DNAH9: variants seen among roughly 807,000 people sequenced by gnomAD.
The protein encoded by DNAH9 is DNAH9 variant protein.
DNAH9 carries 345 observed loss-of-function variants against 471.6 expected under a neutral mutation model. The ratio of observed to expected loss-of-function variants is 0.73; its 90% CI spans 0.67 to 0.80. The LOEUF (loss-of-function observed/expected upper bound fraction) is 0.80. Among genes scored for constraint, DNAH9 ranks in the 30% least tolerant of loss-of-function variants. The probability of loss-of-function intolerance (pLI) is 0.00; values close to 1 mark genes in which losing one functional copy is unlikely to be tolerated. For missense variants in DNAH9, 5,407 were observed against 5,609.2 expected (o/e 0.96, Z 1.15); for synonymous variants, 2,093 against 2,123.6 (o/e 0.99, Z 0.40).
rs2073247423 is a variant in DNAH9, at chr17:11,640,331, G to A, written c.1848G>A (p.Glu616=). Residue 616 remains glutamate (E), a synonymous_variant, in exon 10 of 69, where the codon GAG becomes GAA. Coordinates refer to ENST00000262442, the MANE Select transcript of DNAH9 (RefSeq NM_001372.4). ...TVAGGLRWAQ[E]LRQRIQGPFS... ...CTGGCGGCCTCCGCTGGGCACAGGA[G>A]CTGAGGCAGCGCATCCAGGGTCCTT... 1 of 1,614,124 alleles carries A rather than the reference G, an allele frequency of 6.2e-7. No individual in the cohort carries two copies. Among genetic ancestry groups the A allele is most frequent in the Non-Finnish European group, 8.5e-7 (1 of 1,179,978 alleles).
intron 66 of DNAH9, among the ~76,000 whole-genome samples, chr17:11,940,036 A>T (rs1447035995): frequency 6.6e-6 from 1 of 152,244 alleles, no homozygotes; most frequent in Non-Finnish European, 1.5e-5. Context: ...TTTTTCTCCC[A>T]CAGGGGGAAG....
intron 33 of DNAH9, among the ~76,000 whole-genome samples, chr17:11,754,219 G>A (rs1967281076): frequency 6.6e-6 from 1 of 151,824 alleles, no homozygotes; most frequent in Admixed American, 6.6e-5. Context: ...TCTTTATCCA[G>A]TCTGTCATTG....
At position 11,871,607 on chromosome 17, in the gene DNAH9, C is replaced by G. The variant is rs762773585; in HGVS notation, c.10063C>G (p.Leu3355Val). The change falls in exon 52 of 69, where the codon CTC (leucine) becomes GTC (valine). Residue 3355 changes from leucine (L) to valine (V), a missense_variant. By Grantham distance (32) the Leu-to-Val change is conservative. This residue lies in a region of DNAH9 where 4,636 missense variants were observed against 4,900.3 expected (regional missense o/e 0.95). Coordinates refer to ENST00000262442, the MANE Select transcript of DNAH9 (RefSeq NM_001372.4). ...GCTTTTGAAATGGTAGGTTGGAGGACTCGCTTCTGAAAACGTGAGGTGGGC... is the reference window on the plus strand; with the variant it reads ...GCTTTTGAAATGGTAGGTTGGAGGAGTCGCTTCTGAAAACGTGAGGTGGGC... ...ISLANRLVGG[L>V]ASENVRWADA... is the part of the protein sequence containing the mutation. The G allele has an allele frequency of 1.2e-6, 2 of 1,613,554 alleles. No individual in the cohort carries two copies. The highest frequency in any genetic ancestry group is 2.7e-5 in the African/African-American group (2 of 74,946).
At position 11,669,293 on chromosome 17, in the gene DNAH9, T is replaced by A. The variant is rs751100678; in HGVS notation, c.2928+33T>A. 4 of 1,601,662 alleles carry A rather than the reference T, an allele frequency of 2.5e-6. No homozygotes were observed. The Admixed American group carries it at 6.7e-5, about 27-fold the overall frequency. Reference sequence around the variant, plus strand: ...AGCTGCAGCCATCCTGCCCTCCAACTGTGTCCCGTCCAGCCGAATCTCGAA... The same window carrying A: ...AGCTGCAGCCATCCTGCCCTCCAACAGTGTCCCGTCCAGCCGAATCTCGAA... On this transcript the variant is annotated intron_variant, in intron 16 of 68. Transcript: ENST00000262442.
chr17:11,685,551 T>A (rs1026457403), intron 19 of DNAH9, among the ~76,000 whole-genome samples: 13 of 151,962 alleles, frequency 8.6e-5, no homozygotes, highest in African/African-American at 2.9e-4. Context: ...ACAGCCCAGA[T>A]GAGAAGTGGT....
intron 48 of DNAH9, among the ~76,000 whole-genome samples, chr17:11,826,841 T>TC (rs960190793): frequency 2.0e-5 from 3 of 147,504 alleles, no homozygotes; most frequent in African/African-American, 7.5e-5. Context: ...TTTTTTTTTT[T>TC]TGAGACAGAG....
At chr17:11,758,190 T>C (rs943915683) in intron 35 of DNAH9, among the ~76,000 whole-genome samples, 1 of 152,116 alleles carries the variant, frequency 6.6e-6, no homozygotes, top group African/African-American at 2.4e-5. Flanking sequence ...CCCTGCTGGA[T>C]ATGGTGAGTT....
At chr17:11,773,767 T>C (rs934545757) in intron 38 of DNAH9, among the ~76,000 whole-genome samples, 12 of 152,172 alleles carry the variant, frequency 7.9e-5, no homozygotes, top group Non-Finnish European at 2.9e-5. Flanking sequence ...CAGATGCCAG[T>C]GTAGCACTAT....
chr17:11,825,946 G>A (rs749398767), intron 48 of DNAH9, among the ~76,000 whole-genome samples: 2 of 152,206 alleles, frequency 1.3e-5, no homozygotes, highest in Non-Finnish European at 2.9e-5. Flanking sequence ...ATGGTGTCAG[G>A]TGCATGATGG....
chr17:11,694,728 TTC>T (rs1257926449), intron 22 of DNAH9, among the ~76,000 whole-genome samples: 102 of 2,594 alleles, frequency 0.039, 40 homozygotes, highest in Non-Finnish European at 0.23. Flanking sequence ...CTCTCTCTCT[TTC>T]TCTTTCTTTC....
chr17:11,669,011 T>G, intron 15 of DNAH9, 53 bp from the exon 16 acceptor site: 1 of 1,297,538 alleles, frequency 7.7e-7, no homozygotes, highest in Non-Finnish European at 1.1e-6. Context: ...GTCCTCTACT[T>G]TGTCCATTTT....
intron 54 of DNAH9, among the ~76,000 whole-genome samples, chr17:11,880,825 A>C (rs887860870): frequency 6.6e-6 from 1 of 152,140 alleles, no homozygotes; most frequent in African/African-American, 2.4e-5. Context: ...TGTCATTCCC[A>C]TGTCAGCCAT....
intron 35 of DNAH9, among the ~76,000 whole-genome samples, chr17:11,762,209 T>G (rs935600831): frequency 1.3e-5 from 2 of 152,234 alleles, no homozygotes; most frequent in Non-Finnish European, 1.5e-5. Flanking sequence ...GTGAATGGCG[T>G]GCTGTGCAGC....
At chr17:11,908,546 C>G (rs890590068) in intron 61 of DNAH9, among the ~76,000 whole-genome samples, 2 of 152,162 alleles carry the variant, frequency 1.3e-5, no homozygotes, top group African/African-American at 4.8e-5. Flanking sequence ...CCCATTTACT[C>G]GGTAGTCAGA....
intron 22 of DNAH9, among the ~76,000 whole-genome samples, chr17:11,698,206 A>ATAT (rs1337258682): frequency 4.9e-5 from 6 of 123,220 alleles, no homozygotes; most frequent in African/African-American, 2.0e-4. Context: ...TAATATATTA[A>ATAT]TAATATAATT....
chr17:11,738,824 G>C, intron 28 of DNAH9, 56 bp from the exon 29 acceptor site: 1 of 1,522,534 alleles, frequency 6.6e-7, no homozygotes, highest in Non-Finnish European at 9.1e-7. Context: ...CTTTAGTTAT[G>C]ATCCCTCCAC....
chr17:11,717,681 T>C (rs1256218898), intron 26 of DNAH9, among the ~76,000 whole-genome samples: 1 of 152,178 alleles, frequency 6.6e-6, no homozygotes, highest in Non-Finnish European at 1.5e-5. Context: ...CCATTGCAGG[T>C]GTACAATGTA....
chr17:11,819,110 T>G (rs1970214924), intron 45 of DNAH9, among the ~76,000 whole-genome samples: 1 of 152,096 alleles, frequency 6.6e-6, no homozygotes, highest in Non-Finnish European at 1.5e-5. Context: ...TTAATTAACT[T>G]TCTTTGACTT....
At position 11,706,756 on chromosome 17, in the gene DNAH9, A is replaced by G. The variant is rs113732541; in HGVS notation, c.5552+1571A>G. Among the ~76,000 whole-genome samples the G allele has an allele frequency of 1.5e-3, 229 of 152,338 alleles. 4 individuals are homozygous for G. In the South Asian group the frequency reaches 0.017, roughly 11 times the overall value. On this transcript the variant is annotated intron_variant, in intron 26 of 68. Transcript: ENST00000262442. ...TAACTTTTTTCTATTAAGAGGATAT[A>G]CAGCATTCATTAATTGTTAAAATGC...
Sources: gnomAD v4.1 joint callset for allele counts (sites outside exome capture counted in the v4.1 genomes callset) on GRCh38, gnomAD v4.1.1 for gene constraint, gnomAD v4.1.1 regional missense constraint, MANE v1.5 for transcripts, NCBI Gene and HGNC (gene_info 2026-07-23, HGNC 2026-07-21) for gene names.